Variants in PCCA observed in about 807,000 individuals in gnomAD.
PCCA encodes the protein propionyl-CoA carboxylase alpha chain, mitochondrial.
In PCCA, 74 loss-of-function variants were observed where a neutral mutation model predicts 101.3. The ratio of observed to expected loss-of-function variants is 0.73; its 90% confidence interval spans 0.61 to 0.89. The LOEUF (loss-of-function observed/expected upper bound fraction) is 0.89, where lower values mean the gene tolerates loss of function less well. Ranked by LOEUF, PCCA falls within the 40% of genes least tolerant of loss-of-function variation. PCCA has a pLI of 0.00. For synonymous variants in PCCA, 294 were observed against 313.6 expected (o/e 0.94, Z 0.66); for missense variants, 891 against 907.0 (o/e 0.98, Z 0.23).
intron 6 of PCCA, among the ~76,000 whole-genome samples, chr13:100,172,380 T>C (rs1425785404): frequency 6.6e-6 from 1 of 152,188 alleles, no homozygotes; most frequent in Non-Finnish European, 1.5e-5. Flanking sequence ...TCCTATTAAA[T>C]TCCTTTTACA....
chr13:100,492,772 A>C (rs2084997143), intron 21 of PCCA, among the ~76,000 whole-genome samples: 1 of 150,948 alleles, frequency 6.6e-6, no homozygotes. Context: ...GCAGAGAAGG[A>C]GAAAAGAAAA....
At position 100,320,170 on chromosome 13, in the gene PCCA, TG is replaced by T. The variant is rs2067862639; in HGVS notation, c.1429+10263del. 9.2e-5 allele frequency among the ~76,000 whole-genome samples: 14 copies of T among 152,362 alleles called. 1 individual carries two copies. The South Asian group carries it at 2.9e-3, about 32-fold the overall frequency. ...AAGAATGCTTGTGATTTTTGCACAT[TG>T]ATTTTGTATCCTGAGACTGCTGAAA... On this transcript the variant is annotated intron_variant, in intron 16 of 23. Coordinates refer to ENST00000376285, the MANE Select transcript of PCCA (RefSeq NM_000282.4).
chr13:100,425,615 T>C lies in PCCA; in HGVS notation c.1747-18T>C, dbSNP rs1302307268. ...CTGTCTTTCTTCATGGTAATGGTCT[T>C]ATTTGGTGTCACAACAGGTGGAAGT... is the stretch of plus-strand genomic sequence containing the variant. On this transcript the variant is annotated intron_variant, in intron 19 of 23. Transcript: ENST00000376285. 1.3e-6 allele frequency: 2 copies of C among 1,549,916 alleles called. No homozygotes were observed. Among genetic ancestry groups the C allele is most frequent in the Non-Finnish European group, 1.8e-6 (2 of 1,121,436 alleles).
At chr13:100,468,608 CTT>C (rs1449824429) in intron 21 of PCCA, among the ~76,000 whole-genome samples, 4 of 152,214 alleles carry the variant, frequency 2.6e-5, no homozygotes, top group Non-Finnish European at 4.4e-5. Flanking sequence ...TAGCTTCACA[CTT>C]TTCTTTTGCA....
intron 8 of PCCA, among the ~76,000 whole-genome samples, chr13:100,247,516 T>G (rs1165872224): frequency 3.8e-5 from 1 of 26,346 alleles, no homozygotes; most frequent in Non-Finnish European, 6.0e-5. Flanking sequence ...GTGCCCGGCC[T>G]TTTTTTTTTT....
At chr13:100,329,176 C>T (rs1055168234) in intron 16 of PCCA, among the ~76,000 whole-genome samples, 10 of 151,930 alleles carry the variant, frequency 6.6e-5, no homozygotes, top group African/African-American at 1.9e-4. Context: ...ATGTACATTT[C>T]TCGCTTTGTT....
At chr13:100,196,344 T>A (rs1431811722) in intron 6 of PCCA, among the ~76,000 whole-genome samples, 1 of 152,160 alleles carries the variant, frequency 6.6e-6, no homozygotes, top group Non-Finnish European at 1.5e-5. Flanking sequence ...ACAGAAAGTT[T>A]TCTATTGCTG....
In PCCA at chr13:100,385,352, A is replaced by G. The variant is rs373523750; in HGVS notation, c.1746+16778A>G. 1.1e-3 allele frequency among the ~76,000 whole-genome samples: 166 copies of G among 152,362 alleles called. 6 individuals are homozygous for G. In the South Asian group the frequency reaches 0.031, roughly 29 times the overall value. On this transcript the variant is annotated intron_variant, in intron 19 of 23. Coordinates refer to ENST00000376285, the MANE Select transcript of PCCA (RefSeq NM_000282.4). ...AAGCCAACAGGTAAGCCAAAAAACC[A>G]GAGAGAAAATTTGCAGTTCATTTTA...
chr13:100,529,976 G>T, intron 23 of PCCA, 122 bp from the exon 24 acceptor site: 1 of 788,074 alleles, frequency 1.3e-6, no homozygotes. Context: ...GGGGTGGCTT[G>T]TCCCTGTGCT....
chr13:100,220,416 T>G (rs990714493), intron 7 of PCCA, among the ~76,000 whole-genome samples: 1 of 147,778 alleles, frequency 6.8e-6, no homozygotes, highest in South Asian at 2.3e-4. Context: ...TGAGCCACCA[T>G]GCCTGACTAA....
intron 22 of PCCA, among the ~76,000 whole-genome samples, chr13:100,519,098 A>G (rs1471847916): frequency 6.6e-6 from 1 of 152,218 alleles, no homozygotes; most frequent in African/African-American, 2.4e-5. Context: ...TCACCCAAGG[A>G]GGCATTTTAA....
intron 4 of PCCA, among the ~76,000 whole-genome samples, chr13:100,152,303 A>C (rs2053421925): frequency 6.6e-6 from 1 of 151,492 alleles, no homozygotes; most frequent in Non-Finnish European, 1.5e-5. Context: ...TAAAGTCCAT[A>C]GCAGTTTTGA....
At chr13:100,102,514 T>A (rs1230653233) in intron 1 of PCCA, among the ~76,000 whole-genome samples, 1 of 152,242 alleles carries the variant, frequency 6.6e-6, no homozygotes, top group Non-Finnish European at 1.5e-5. Context: ...CACTGTTAAA[T>A]TTGAAGCTCC....
intron 21 of PCCA, among the ~76,000 whole-genome samples, chr13:100,514,916 A>G (rs2086720776): frequency 2.0e-5 from 3 of 152,200 alleles, no homozygotes; most frequent in Admixed American, 2.0e-4. Context: ...TTTAAATACT[A>G]TTTTGCCCAA....
intron 18 of PCCA, among the ~76,000 whole-genome samples, chr13:100,352,335 A>T (rs2073365359): frequency 6.6e-6 from 1 of 151,976 alleles, no homozygotes; most frequent in Non-Finnish European, 1.5e-5. Flanking sequence ...TCAGACAGAC[A>T]TTGTATTCGT....
chr13:100,499,554 G>A (rs75246831), intron 21 of PCCA, among the ~76,000 whole-genome samples: 1,788 of 152,324 alleles, frequency 0.012, 38 homozygotes, highest in African/African-American at 0.04. Flanking sequence ...CTTTTATGTT[G>A]GGACAAGTAG....
intron 7 of PCCA, among the ~76,000 whole-genome samples, chr13:100,232,528 C>T (rs902172875): frequency 6.6e-6 from 1 of 151,938 alleles, no homozygotes; most frequent in African/African-American, 2.4e-5. Flanking sequence ...CTACAGGTCC[C>T]ACCACCACAC....
In PCCA at chr13:100,209,337, A is replaced by G. The variant is rs760611305; in HGVS notation, c.474A>G (p.Ala158=). 6.8e-6 allele frequency: 11 copies of G among 1,613,834 alleles called. No homozygotes were observed. Among genetic ancestry groups the G allele is most frequent in the Non-Finnish European group, 9.3e-6 (11 of 1,179,728 alleles). ...TGACTTGTTTTTCTCCACAGGCAGC[A>G]GAAGATGTCGTTTTCATTGGACCTG... ...ENKEFARCLA[A]EDVVFIGPDT... Residue 158 remains alanine, a synonymous_variant, in exon 7 of 24, where the codon GCA becomes GCG. Transcript: ENST00000376285.
At chr13:100,363,712 A>G (rs1404338380) in intron 18 of PCCA, among the ~76,000 whole-genome samples, 1 of 152,006 alleles carries the variant, frequency 6.6e-6, no homozygotes, top group African/African-American at 2.4e-5. Flanking sequence ...TTTTACTTCT[A>G]AAGAGGTGAT....
Sources: allele counts gnomAD v4.1 joint callset (sites outside exome capture counted in the v4.1 genomes callset), GRCh38; gene constraint gnomAD v4.1.1; transcripts MANE v1.5; gene names NCBI Gene and HGNC (gene_info 2026-07-23, HGNC 2026-07-21).